EXOC4: variants seen among roughly 807,000 people sequenced by gnomAD.
EXOC4 encodes SEC8-like 1.
EXOC4 carries 71 observed loss-of-function variants against 107.2 expected under a neutral mutation model. That is an observed-to-expected ratio of 0.66 (90% CI 0.55 to 0.81). The LOEUF is 0.81. Among genes scored for constraint, EXOC4 ranks in the 30% least tolerant of loss-of-function variants. EXOC4 has a pLI of 0.00. For synonymous variants in EXOC4, 456 were observed against 441.2 expected (o/e 1.03, Z -0.42); for missense variants, 1,108 against 1,189.6 (o/e 0.93, Z 1.01).
intron 17 of EXOC4, among the ~76,000 whole-genome samples, chr7:134,059,028 T>C (rs1038447217): frequency 6.6e-6 from 1 of 152,110 alleles, no homozygotes; most frequent in Non-Finnish European, 1.5e-5. Flanking sequence ...TAAAACACAG[T>C]TTCCATTCCG....
At chr7:133,810,922 C>A (rs972631279) in intron 10 of EXOC4, among the ~76,000 whole-genome samples, 1 of 151,976 alleles carries the variant, frequency 6.6e-6, no homozygotes, top group Non-Finnish European at 1.5e-5. Context: ...TATGAGCTAC[C>A]GCGCCCGGCC....
chr7:133,899,234 C>A (rs1799394810), intron 12 of EXOC4, among the ~76,000 whole-genome samples: 1 of 152,046 alleles, frequency 6.6e-6, no homozygotes, highest in African/African-American at 2.4e-5. Context: ...ATGATAAGGT[C>A]AAGTTGTCTC....
chr7:133,301,611 G>A (rs904705747), intron 3 of EXOC4, among the ~76,000 whole-genome samples: 4 of 152,202 alleles, frequency 2.6e-5, no homozygotes, highest in African/African-American at 9.6e-5. Context: ...TTAGGGAACA[G>A]TGTTGCCAAA....
chr7:133,356,189 G>A (rs1796016399), intron 5 of EXOC4, 141 bp from the exon 6 acceptor site: 1 of 829,168 alleles, frequency 1.2e-6, no homozygotes, highest in East Asian at 2.6e-5. Flanking sequence ...GATGGTTACT[G>A]TGCAAATATA....
chr7:133,428,501 A>T (rs542310459), intron 7 of EXOC4, among the ~76,000 whole-genome samples: 2 of 152,324 alleles, frequency 1.3e-5, no homozygotes, highest in Admixed American at 1.3e-4. Flanking sequence ...ACTCTGTGCT[A>T]ATATTCTATT....
At chr7:133,463,301 C>T (rs1007741065) in intron 7 of EXOC4, among the ~76,000 whole-genome samples, 1 of 152,124 alleles carries the variant, frequency 6.6e-6, no homozygotes, top group Non-Finnish European at 1.5e-5. Context: ...CTTTGGTGCC[C>T]TTCCTCCCTT....
intron 9 of EXOC4, among the ~76,000 whole-genome samples, chr7:133,597,776 T>G: frequency 6.6e-6 from 1 of 151,968 alleles, no homozygotes; most frequent in Non-Finnish European, 1.5e-5. Context: ...TTTGGGAGGC[T>G]GAGGTGGGCA....
At chr7:133,509,522 C>G (rs1799728057) in intron 9 of EXOC4, among the ~76,000 whole-genome samples, 1 of 150,576 alleles carries the variant, frequency 6.6e-6, no homozygotes. Flanking sequence ...CTTTTATAAC[C>G]CTTCCTCTTC....
intron 9 of EXOC4, among the ~76,000 whole-genome samples, chr7:133,610,058 A>G (rs1802042418): frequency 6.6e-6 from 1 of 152,178 alleles, no homozygotes; most frequent in Admixed American, 6.5e-5. Flanking sequence ...AATGTGTGCA[A>G]TATTCCTTTT....
intron 10 of EXOC4, among the ~76,000 whole-genome samples, chr7:133,811,761 C>T (rs900929256): frequency 6.6e-6 from 1 of 152,190 alleles, no homozygotes; most frequent in South Asian, 2.1e-4. Flanking sequence ...GGTTTACATT[C>T]GAATGGTGGA....
chr7:133,683,243 G>A (rs903439598), intron 10 of EXOC4, among the ~76,000 whole-genome samples: 6 of 152,168 alleles, frequency 3.9e-5, no homozygotes, highest in Non-Finnish European at 8.8e-5. Flanking sequence ...TGAGAGTGTT[G>A]TTTCTCCTTC....
intron 10 of EXOC4, among the ~76,000 whole-genome samples, chr7:133,644,665 G>C (rs945877612): frequency 6.6e-6 from 1 of 152,090 alleles, no homozygotes; most frequent in Non-Finnish European, 1.5e-5. Context: ...TAAAACCCGT[G>C]AATCTGATTC....
intron 9 of EXOC4, among the ~76,000 whole-genome samples, chr7:133,514,330 A>G (rs1423555874): frequency 6.6e-6 from 1 of 151,986 alleles, no homozygotes; most frequent in Admixed American, 6.6e-5. Context: ...GCGCCCAGCT[A>G]ATTTTATATT....
At chr7:133,611,621 C>T (rs1301958422) in intron 9 of EXOC4, among the ~76,000 whole-genome samples, 2 of 152,020 alleles carry the variant, frequency 1.3e-5, no homozygotes, top group Non-Finnish European at 2.9e-5. Context: ...TTTTCACTGC[C>T]TTGAATGTGT....
At chr7:133,470,029 T>C (rs991479936) in intron 7 of EXOC4, among the ~76,000 whole-genome samples, 1 of 152,216 alleles carries the variant, frequency 6.6e-6, no homozygotes, top group African/African-American at 2.4e-5. Flanking sequence ...TCACAGGTTA[T>C]AAGCATGGCT....
the EXOC4 span, among the ~76,000 whole-genome samples, chr7:134,081,272 G>T: frequency 6.6e-6 from 1 of 152,146 alleles, no homozygotes; most frequent in Non-Finnish European, 1.5e-5. Flanking sequence ...GAGCCCAGGG[G>T]GTGGAAGTTG....
intron 9 of EXOC4, among the ~76,000 whole-genome samples, chr7:133,506,894 C>T (rs530709634): frequency 2.0e-4 from 30 of 152,100 alleles, no homozygotes; most frequent in Admixed American, 7.9e-4. Context: ...TAATCCCTAA[C>T]ACCTCTTTCC....
intron 9 of EXOC4, among the ~76,000 whole-genome samples, chr7:133,568,341 C>T (rs58917684): frequency 0.013 from 1,936 of 151,918 alleles, 31 homozygotes; most frequent in African/African-American, 0.044. Context: ...TTTTGCCATG[C>T]AGAAATATTT....
downstream of EXOC4, among the ~76,000 whole-genome samples, chr7:134,069,107 G>C (rs966967370): frequency 6.6e-6 from 1 of 152,040 alleles, no homozygotes; most frequent in Non-Finnish European, 1.5e-5. Context: ...GCCTGACTCT[G>C]TGCACTCTCT....
Sources: allele counts gnomAD v4.1 joint callset (sites outside exome capture counted in the v4.1 genomes callset), GRCh38; gene constraint gnomAD v4.1.1; transcripts MANE v1.5; gene names NCBI Gene and HGNC (gene_info 2026-07-23, HGNC 2026-07-21).